Variants in LINGO2 observed in about 807,000 individuals in gnomAD.
The protein encoded by LINGO2 is leucine-rich repeat and immunoglobulin-like domain-containing nogo receptor-interacting protein 2.
In LINGO2, 14 loss-of-function variants were observed where a neutral mutation model predicts 30.6. The observed-to-expected ratio is 0.46, with a 90% confidence interval of 0.30 to 0.72. The LOEUF (loss-of-function observed/expected upper bound fraction) is 0.72. Ranked by LOEUF, LINGO2 falls within the 30% of genes least tolerant of loss-of-function variation. LINGO2 has a pLI of 0.07. For missense variants in LINGO2, 729 were observed against 751.7 expected (o/e 0.97, Z 0.35); for synonymous variants, 317 against 288.5 (o/e 1.10, Z -1.00).
At chr9:28,977,482 ATT>A in the LINGO2 span, among the ~76,000 whole-genome samples, 1 of 152,114 alleles carries the variant, frequency 6.6e-6, no homozygotes, top group South Asian at 2.1e-4. Context: ...ATTTTTAAAT[ATT>A]TTTCTTTAAT....
At position 28,413,069 on chromosome 9, in the gene LINGO2, A is replaced by G. The variant is rs1822832922; in HGVS notation, c.-278-40201T>C. ...TCTTTTTTCTTGCTTACTTTATTGT[A>G]AGAATATAGTATGTAATACACATAG... On this transcript the variant is annotated intron_variant, in intron 2 of 5. Transcript: ENST00000379992. Among the ~76,000 whole-genome samples the G allele has an allele frequency of 2.0e-5, 3 of 152,186 alleles. No homozygotes were observed. The South Asian group carries it at 6.2e-4, about 32-fold the overall frequency.
At chr9:28,527,269 C>T (rs1821072631) in intron 1 of LINGO2, among the ~76,000 whole-genome samples, 2 of 152,146 alleles carry the variant, frequency 1.3e-5, no homozygotes. Flanking sequence ...CCTTAAACTG[C>T]CCCATAACCT....
the LINGO2 span, among the ~76,000 whole-genome samples, chr9:28,935,163 C>T: frequency 6.6e-6 from 1 of 151,948 alleles, no homozygotes; most frequent in Non-Finnish European, 1.5e-5. Flanking sequence ...ACATTTTCTG[C>T]AATTAACAAT....
At chr9:29,019,009 T>C in the LINGO2 span, among the ~76,000 whole-genome samples, 15 of 152,190 alleles carry the variant, frequency 9.9e-5, no homozygotes, top group Non-Finnish European at 2.1e-4. Context: ...GTATTTAGAC[T>C]AGGTGACCTA....
chr9:28,296,670 G>A (rs1823935478), intron 3 of LINGO2, among the ~76,000 whole-genome samples: 1 of 152,198 alleles, frequency 6.6e-6, no homozygotes, highest in South Asian at 2.1e-4. Flanking sequence ...GCACTAGAAT[G>A]CAGCACTTCA....
chr9:28,281,665 T>C (rs1014778150), intron 4 of LINGO2, among the ~76,000 whole-genome samples: 1 of 151,968 alleles, frequency 6.6e-6, no homozygotes, highest in Non-Finnish European at 1.5e-5. Context: ...GGAAGAGAAA[T>C]AGAGATGTGG....
intron 4 of LINGO2, among the ~76,000 whole-genome samples, chr9:28,060,788 C>T (rs1415578508): frequency 6.6e-6 from 1 of 152,104 alleles, no homozygotes; most frequent in African/African-American, 2.4e-5. Context: ...AAATTTAAGA[C>T]GGAAGTCCAA....
chr9:29,003,203 G>T, the LINGO2 span, among the ~76,000 whole-genome samples: 1 of 152,128 alleles, frequency 6.6e-6, no homozygotes, highest in East Asian at 1.9e-4. Flanking sequence ...CTCCAGAACT[G>T]TGCAATAACA....
the LINGO2 span, among the ~76,000 whole-genome samples, chr9:28,917,864 T>C: frequency 2.6e-5 from 4 of 152,090 alleles, no homozygotes; most frequent in East Asian, 7.8e-4. Flanking sequence ...GTTGAAATTA[T>C]GAAAGAAAAT....
chr9:27,954,081 C>T (rs1344437929), intron 5 of LINGO2, among the ~76,000 whole-genome samples: 3 of 152,036 alleles, frequency 2.0e-5, no homozygotes, highest in African/African-American at 7.2e-5. Context: ...TTCATTGATA[C>T]ATAATATTTG....
chr9:29,149,798 T>A, the LINGO2 span, among the ~76,000 whole-genome samples: 1 of 152,284 alleles, frequency 6.6e-6, no homozygotes. Flanking sequence ...TAGATGCACA[T>A]CCGCTAACGT....
chr9:28,301,560 T>C (rs1824144181), intron 3 of LINGO2, among the ~76,000 whole-genome samples: 1 of 152,160 alleles, frequency 6.6e-6, no homozygotes. Context: ...TTCCCTAGAT[T>C]ACACTTAGAC....
the LINGO2 span, among the ~76,000 whole-genome samples, chr9:29,046,895 A>T: frequency 5.5e-5 from 5 of 91,654 alleles, no homozygotes; most frequent in Middle Eastern, 0.03. Context: ...CCTGGTCAAC[A>T]TGGTGAAACC....
intron 5 of LINGO2, among the ~76,000 whole-genome samples, chr9:27,956,106 A>AATTTTGT (rs1295909996): frequency 6.6e-6 from 1 of 151,900 alleles, no homozygotes; most frequent in Non-Finnish European, 1.5e-5. Flanking sequence ...ATGCCTGGCT[A>AATTTTGT]ATTTTGTATT....
chr9:29,199,809 A>G, the LINGO2 span, among the ~76,000 whole-genome samples: 1 of 151,884 alleles, frequency 6.6e-6, no homozygotes, highest in Non-Finnish European at 1.5e-5. Context: ...TTAGCCCCAT[A>G]GCGCAGGTTT....
At position 28,104,915 on chromosome 9, in the gene LINGO2, CAAAT is replaced by C. The variant is rs200602572; in HGVS notation, c.-86-92514_-86-92511del. ...CGGCCCCCACCGACCCACACACACA[CAAAT>C]GAATGTGCTAACAAGAGAGTTTCAC... On this transcript the variant is annotated intron_variant, in intron 4 of 5. Coordinates refer to ENST00000379992, the Ensembl canonical transcript of LINGO2. Among the ~76,000 whole-genome samples, 340 of 152,172 alleles carry C rather than the reference CAAAT, an allele frequency of 2.2e-3. 11 individuals are homozygous for C. The East Asian group carries it at 0.053, about 24-fold the overall frequency.
At chr9:29,000,989 A>G in the LINGO2 span, among the ~76,000 whole-genome samples, 1 of 152,120 alleles carries the variant, frequency 6.6e-6, no homozygotes, top group Non-Finnish European at 1.5e-5. Context: ...AAAATGAACT[A>G]TAATTGGATA....
the LINGO2 span, among the ~76,000 whole-genome samples, chr9:29,006,548 AG>A: frequency 6.6e-6 from 1 of 152,066 alleles, no homozygotes; most frequent in Non-Finnish European, 1.5e-5. Context: ...CATTAATAAA[AG>A]GGGAAAAATA....
At chr9:28,255,699 A>G (rs1444406710) in intron 4 of LINGO2, among the ~76,000 whole-genome samples, 2 of 152,094 alleles carry the variant, frequency 1.3e-5, no homozygotes, top group African/African-American at 2.4e-5. Flanking sequence ...GCTTCACATG[A>G]AATTCTATGA....
Sources: allele counts gnomAD v4.1 joint callset (sites outside exome capture counted in the v4.1 genomes callset), GRCh38; gene constraint gnomAD v4.1.1; transcripts MANE v1.5; gene names NCBI Gene and HGNC (gene_info 2026-07-23, HGNC 2026-07-21).